The following ARMC6 variants were observed in gnomAD, a reference collection of about 807,000 sequenced individuals.
The protein encoded by ARMC6 is armadillo repeat-containing protein 6.
In ARMC6, 43 loss-of-function variants were observed where a neutral mutation model predicts 49.2. The ratio of observed to expected loss-of-function variants is 0.87; its 90% confidence interval spans 0.69 to 1.13. The LOEUF is 1.13. Among genes scored for constraint, ARMC6 ranks in the 50% most tolerant of loss-of-function variants. The pLI is 0.00. For synonymous variants in ARMC6, 262 were observed against 289.6 expected, an observed-to-expected ratio of 0.90 and a Z score of 0.97; for missense variants, 627 against 682.0, an observed-to-expected ratio of 0.92 and a Z score of 0.90.
intron 4 of ARMC6, 49 bp downstream of exon 4, chr19:19,044,123 G>T: frequency 6.5e-7 from 1 of 1,547,334 alleles, no homozygotes; most frequent in South Asian, 1.1e-5. Context: ...CTCTGTCTGG[G>T]GGCACCTCTT....
At chr19:19,048,151 G>A (rs897542305) in intron 4 of ARMC6, among the ~76,000 whole-genome samples, 3 of 152,232 alleles carry the variant, frequency 2.0e-5, no homozygotes, top group Middle Eastern at 3.4e-3. Context: ...TTCGAGACCA[G>A]CCTGGCCAAC....
intron 5 of ARMC6, among the ~76,000 whole-genome samples, chr19:19,052,591 C>T (rs1300199909): frequency 2.0e-5 from 3 of 152,154 alleles, no homozygotes; most frequent in Admixed American, 2.0e-4. Context: ...CATATTCAGC[C>T]ACAAATCCTT....
At chr19:19,035,226 A>C (rs1287254637) in intron 2 of ARMC6, among the ~76,000 whole-genome samples, 2 of 151,934 alleles carry the variant, frequency 1.3e-5, no homozygotes, top group East Asian at 1.9e-4. Flanking sequence ...GGCTGTTCTC[A>C]AACTCCTGAC....
intron 4 of ARMC6, among the ~76,000 whole-genome samples, chr19:19,050,880 TCAGGCTCA>T (rs1296340076): frequency 6.6e-6 from 1 of 152,180 alleles, no homozygotes; most frequent in Non-Finnish European, 1.5e-5. Flanking sequence ...CTCCTACACT[TCAGGCTCA>T]CAGATTCATC....
chr19:19,048,174 C>T (rs1049202284), intron 4 of ARMC6, among the ~76,000 whole-genome samples: 4 of 152,040 alleles, frequency 2.6e-5, no homozygotes, highest in African/African-American at 4.8e-5. Context: ...GATGAAACCC[C>T]GTCTCTACTA....
At chr19:19,052,741 A>G (rs1021521864) in intron 5 of ARMC6, among the ~76,000 whole-genome samples, 1 of 152,122 alleles carries the variant, frequency 6.6e-6, no homozygotes, top group Non-Finnish European at 1.5e-5. Context: ...AAAAGTCCTG[A>G]TTGACACACA....
In ARMC6 at chr19:19,051,710, A is replaced by G. The variant is rs1310078887; in HGVS notation, c.368A>G (p.Gln123Arg). The G allele has an allele frequency of 1.2e-6, 2 of 1,613,886 alleles. No homozygotes were observed. The change falls in exon 5 of 9, where the codon CAG becomes CGG. Residue 123 changes from glutamine (Q) to arginine (R), a missense_variant. By Grantham distance (43) the Gln-to-Arg change is conservative (BLOSUM62 1). Transcript: ENST00000535612. Reference sequence around the variant, plus strand: ...ACCCGCTTCTGCGACCAGTGCAAACAGGACAAGGCCTGCCGCTTCCTCGCG... The same window carrying G: ...ACCCGCTTCTGCGACCAGTGCAAACGGGACAAGGCCTGCCGCTTCCTCGCG... ...YLTRFCDQCK[Q>R]DKACRFLAAQ... is the part of the protein sequence containing the mutation.
Position 19,054,321 on chromosome 19 carries a change from G to C in ARMC6, c.1023G>C (p.Gln341His), listed in dbSNP as rs1200353217. ...AGATGAGGGACCAGAGCGGCGTTCA[G>C]GTATGAAGTCCCCCTGGCCCATTGC... ...DHQMRDQSGVQELVKQVLSTL... is the reference protein window; with the variant it reads ...DHQMRDQSGVHELVKQVLSTL... Residue 341 changes from glutamine to histidine, a missense_variant and splice_region_variant, in exon 6 of 9, where the codon CAG becomes CAC. By Grantham distance (24) the Gln-to-His change is conservative. Coordinates refer to ENST00000535612, the MANE Select transcript of ARMC6 (RefSeq NM_001199196.2). The C allele has an allele frequency of 6.4e-7, 1 of 1,572,512 alleles. No individual in the cohort carries two copies. The highest frequency in any genetic ancestry group is 2.3e-5 in the East Asian group (1 of 43,088).
rs756320781 is a variant in ARMC6 at position 19,054,168 on chromosome 19, T to C, written c.870T>C (p.Pro290=). ...IEATKAFLDN[P]GILSELCGTL... is the part of the protein sequence containing the mutation. ...TCCCTGCAGCGTTCCTGGATAACCCTGGCATCCTGAGCGAGCTCTGTGGAA... is the reference window on the plus strand; with the variant it reads ...TCCCTGCAGCGTTCCTGGATAACCCCGGCATCCTGAGCGAGCTCTGTGGAA... Residue 290 remains proline (P), a synonymous_variant, in exon 6 of 9, where the codon CCT becomes CCC. Coordinates refer to ENST00000535612, the MANE Select transcript of ARMC6 (RefSeq NM_001199196.2). 6.3e-7 allele frequency: 1 copy of C among 1,592,172 alleles called. No individual in the cohort carries two copies. The highest frequency in any genetic ancestry group is 1.1e-5 in the South Asian group (1 of 88,504).
chr19:19,046,684 G>A (rs577233069), intron 4 of ARMC6, among the ~76,000 whole-genome samples: 59 of 150,774 alleles, frequency 3.9e-4, no homozygotes, highest in African/African-American at 1.3e-3. Context: ...TAGTAGAGAT[G>A]GGATTTCACC....
chr19:19,049,910 G>C (rs965429631), intron 4 of ARMC6, among the ~76,000 whole-genome samples: 2 of 152,174 alleles, frequency 1.3e-5, no homozygotes, highest in African/African-American at 2.4e-5. Context: ...TGTAGTCCCA[G>C]CTGCTCAGGA....
At chr19:19,037,171 C>T (rs915752141) in intron 2 of ARMC6, among the ~76,000 whole-genome samples, 9 of 151,460 alleles carry the variant, frequency 5.9e-5, no homozygotes, top group African/African-American at 1.2e-4. Context: ...GGCGACAGAG[C>T]GAGACTCTGT....
rs568313428 is a variant in ARMC6, at chr19:19,057,547, C to T, written c.1425C>T (p.Ala475=). Residue 475 remains alanine (A), a synonymous_variant, in exon 9 of 9, where the codon GCC becomes GCT. Transcript: ENST00000535612. ...CCCACCGTGACTGTGAGGACGTGGC[C>T]AAGGCCGCCCTGCGGGACCTGGGTT... is the stretch of plus-strand genomic sequence containing the variant. ...RSAHRDCEDV[A]KAALRDLGCH... 1 of 1,613,904 alleles carries T rather than the reference C, an allele frequency of 6.2e-7. No homozygotes were observed. The highest frequency in any genetic ancestry group is 1.1e-5 in the South Asian group (1 of 91,074).
chr19:19,052,004 T>C lies in ARMC6; in HGVS notation c.662T>C (p.Val221Ala). The C allele has an allele frequency of 6.2e-7, 1 of 1,614,098 alleles. No homozygotes were observed. Among genetic ancestry groups the C allele is most frequent in the Non-Finnish European group, 8.5e-7 (1 of 1,180,046 alleles). Residue 221 changes from valine to alanine, a missense_variant, in exon 5 of 9, where the codon GTG becomes GCG. Transcript: ENST00000535612. ...CGGCAAGACCTGGTGAAAGCTGGCG[T>C]GCTGCCTCTGCTGACTGGTGCCATC... is the stretch of plus-strand genomic sequence containing the variant. ...QNRQDLVKAGVLPLLTGAITH... is the reference protein window; with the variant it reads ...QNRQDLVKAGALPLLTGAITH...
At chr19:19,051,511 T>C in intron 4 of ARMC6, 111 bp from the exon 5 acceptor site, 1 of 1,023,772 alleles carries the variant, frequency 9.8e-7, no homozygotes. Flanking sequence ...TCACTTCCAC[T>C]GCAGGCCCAG....
chr19:19,034,214 G>A lies in ARMC6; in HGVS notation c.5G>A (p.Ser2Asn), dbSNP rs754888852. Reference sequence around the variant, plus strand: ...GAGGCTACAGGGTACAAATAAATGAGTGAACGATGTTGCTCTAGATACAGG... The same window carrying A: ...GAGGCTACAGGGTACAAATAAATGAATGAACGATGTTGCTCTAGATACAGG... Reference protein sequence around the residue: MSERCCSRYSSG... With the variant: MNERCCSRYSSG... The change falls in exon 2 of 9, where the codon AGT becomes AAT. Residue 2 changes from serine to asparagine, a missense_variant. Physicochemically the swap from Ser to Asn is conservative, Grantham distance 46. Coordinates refer to ENST00000535612, the MANE Select transcript of ARMC6 (RefSeq NM_001199196.2). The A allele has an allele frequency of 1.6e-5, 25 of 1,594,874 alleles. No homozygotes were observed. The highest frequency in any genetic ancestry group is 2.0e-5 in the Non-Finnish European group (24 of 1,178,378).
chr19:19,040,733 C>T (rs2059405617), intron 2 of ARMC6: 1 of 445,030 alleles, frequency 2.2e-6, no homozygotes, highest in South Asian at 1.6e-5. Context: ...ACTGCAACCT[C>T]CGCCTCTGTG....
chr19:19,045,561 C>T (rs2059443685), intron 4 of ARMC6, among the ~76,000 whole-genome samples: 1 of 135,874 alleles, frequency 7.4e-6, no homozygotes, highest in Non-Finnish European at 1.5e-5. Context: ...AGTCTTGGCT[C>T]ACTGCAACCT....
chr19:19,035,451 G>A (rs2059355215), intron 2 of ARMC6, among the ~76,000 whole-genome samples: 1 of 152,200 alleles, frequency 6.6e-6, no homozygotes, highest in Admixed American at 6.6e-5. Context: ...TTTAGCCTAG[G>A]CTGTTCTCCA....
Sources: allele counts gnomAD v4.1 joint callset (sites outside exome capture counted in the v4.1 genomes callset), GRCh38; gene constraint gnomAD v4.1.1; transcripts MANE v1.5; gene names NCBI Gene and HGNC (gene_info 2026-07-23, HGNC 2026-07-21).